The following LGALS8 variants were observed in gnomAD, a reference collection of about 807,000 sequenced individuals.
LGALS8 encodes the protein galectin-8.
LGALS8 carries 30 observed loss-of-function variants against 35.9 expected under a neutral mutation model. That is an observed-to-expected ratio of 0.83 (90% CI 0.62 to 1.13). LGALS8 has a LOEUF of 1.13. LGALS8 is among the 50% of genes most tolerant of loss of function. The pLI is 0.00. For missense variants in LGALS8, 366 were observed against 388.7 expected, an observed-to-expected ratio of 0.94 and a Z score of 0.49; for synonymous variants, 138 against 136.1, an observed-to-expected ratio of 1.01 and a Z score of -0.10.
chr1:236,537,402 G>A (rs1461761135), intron 2 of LGALS8, 95 bp from the exon 3 acceptor site: 10 of 761,892 alleles, frequency 1.3e-5, no homozygotes, highest in African/African-American at 8.6e-5. Flanking sequence ...CTTAAAAAGT[G>A]TAGTTTTTCT....
upstream of LGALS8, among the ~76,000 whole-genome samples, chr1:236,522,415 G>A (rs998304385): frequency 3.9e-5 from 6 of 152,040 alleles, no homozygotes; most frequent in African/African-American, 1.4e-4. Context: ...ACCAGCCTGG[G>A]CAACACAGTG....
intron 9 of LGALS8, 199 bp downstream of exon 9, chr1:236,545,114 A>G: frequency 2.3e-6 from 1 of 435,716 alleles, no homozygotes; most frequent in Non-Finnish European, 4.1e-6. Flanking sequence ...GTGTCAAATT[A>G]TGCACATTGG....
At chr1:236,543,689 G>A (rs764954703) in intron 8 of LGALS8, 41 bp downstream of exon 8, 17 of 1,438,148 alleles carry the variant, frequency 1.2e-5, no homozygotes, top group African/African-American at 8.4e-5. Context: ...AGATACTTCC[G>A]TGCCTGTTAC....
intron 2 of LGALS8, among the ~76,000 whole-genome samples, chr1:236,530,841 G>C (rs1159146610): frequency 1.3e-5 from 2 of 152,138 alleles, no homozygotes; most frequent in Admixed American, 1.3e-4. Context: ...AATTCAAACA[G>C]TATTTAAGAG....
In LGALS8 at chr1:236,550,770, G is replaced by A; in HGVS notation, c.*2609G>A. ...CCAGGTGGGGATTTTGTAAAGAAGT[G>A]ATAAAACATTTGTAAGTAATCCAAG... On this transcript the variant is annotated 3_prime_UTR_variant, in exon 10 of 10. Transcript: ENST00000366584. 1 of 670,604 alleles carries A rather than the reference G, an allele frequency of 1.5e-6. No individual in the cohort carries two copies. The highest frequency in any genetic ancestry group is 2.1e-5 in the South Asian group (1 of 47,184). The allele number at this position is 670,604 out of a possible 1,614,324, so 41.5% of individuals were successfully genotyped here. A position where few individuals can be genotyped will look rare whatever the true frequency, so the allele number is the denominator to read the frequency against.
chr1:236,547,880 G>T, intron 9 of LGALS8, 132 bp from the exon 10 acceptor site: 1 of 741,366 alleles, frequency 1.3e-6, no homozygotes, highest in Non-Finnish European at 2.3e-6. Flanking sequence ...GAAGTCAGAA[G>T]GAAGTCAGCA....
Position 236,548,219 on chromosome 1 carries a change from C to G in LGALS8, c.*58C>G, listed in dbSNP as rs1662531588. On this transcript the variant is annotated 3_prime_UTR_variant, in exon 10 of 10. Coordinates refer to ENST00000366584, the MANE Select transcript of LGALS8 (RefSeq NM_201544.4). Reference sequence around the variant, plus strand: ...ACAGAATGGCTTCTGTGATACTGGCCTTGCTGAAACGCATCTCACTGTCAT... The same window carrying G: ...ACAGAATGGCTTCTGTGATACTGGCGTTGCTGAAACGCATCTCACTGTCAT... The G allele has an allele frequency of 2.1e-6, 3 of 1,440,486 alleles. No homozygotes were observed. The highest frequency in any genetic ancestry group is 2.9e-6 in the Non-Finnish European group (3 of 1,042,956). The allele number at this position is 1,440,486 out of a possible 1,614,324, so 89.2% of individuals were successfully genotyped here.
At chr1:236,546,275 A>G (rs1031101369) in intron 9 of LGALS8, among the ~76,000 whole-genome samples, 9 of 152,194 alleles carry the variant, frequency 5.9e-5, no homozygotes, top group Admixed American at 2.0e-4. Flanking sequence ...TTTTCCATTT[A>G]ATTTTCTAAT....
At chr1:236,527,264 C>T (rs535900870) in intron 2 of LGALS8, among the ~76,000 whole-genome samples, 12 of 152,242 alleles carry the variant, frequency 7.9e-5, no homozygotes, top group East Asian at 7.7e-4. Context: ...AGGTAAAATT[C>T]GTGCATATCT....
rs371245157 is a variant in LGALS8, at chr1:236,538,101, A to AAAAAAAAAAG, written c.134+519_134+520insAAAAAAGAAA. 2.3e-3 allele frequency among the ~76,000 whole-genome samples: 225 copies of AAAAAAAAAAG among 96,048 alleles called. 28 individuals are homozygous for AAAAAAAAAAG. The highest frequency in any genetic ancestry group is 3.5e-3 in the East Asian group (12 of 3,406). 63.0% of individuals were successfully genotyped at this position (96,048 alleles called of 152,430 possible). A position where few individuals can be genotyped will look rare whatever the true frequency, so the allele number is the denominator to read the frequency against. On this transcript the variant is annotated intron_variant, in intron 3 of 9. Transcript: ENST00000366584. ...GCCTGGGTGACAAAAAAAAAAAAGA[A>AAAAAAAAAAG]AAAGAAAAAGAATTAGGTATGTCAT...
Position 236,550,879 on chromosome 1 carries a change from A to G in LGALS8, c.*2718A>G. The G allele has an allele frequency of 6.5e-7, 1 of 1,538,710 alleles. No homozygotes were observed. The highest frequency in any genetic ancestry group is 1.7e-4 in the Middle Eastern group (1 of 5,756). On this transcript the variant is annotated 3_prime_UTR_variant, in exon 10 of 10. Coordinates refer to ENST00000366584, the MANE Select transcript of LGALS8 (RefSeq NM_201544.4). ...AAATATGAGTGTGAACTCTGAGTAG[A>G]GTATGAAACACCACAGAAAGTCTTA...
chr1:236,538,970 A>G lies in LGALS8; in HGVS notation c.226A>G (p.Ile76Val), dbSNP rs751002127. 2.4e-5 allele frequency: 38 copies of G among 1,614,042 alleles called. No individual in the cohort carries two copies. The highest frequency in any genetic ancestry group is 2.8e-5 in the Non-Finnish European group (33 of 1,180,040). The part of the protein sequence containing the change: ...FNPRFKRAGC[I>V]VCNTLINEKW... ...TCCTCGTTTCAAAAGGGCCGGCTGC[A>G]TTGTTTGCAATACTTTGATAAATGA... The change falls in exon 4 of 10, where the codon ATT (isoleucine) becomes GTT (valine). Residue 76 changes from isoleucine to valine, a missense_variant. By Grantham distance (29) the Ile-to-Val change is conservative (BLOSUM62 3). Coordinates refer to ENST00000366584, the MANE Select transcript of LGALS8 (RefSeq NM_201544.4).
intron 2 of LGALS8, among the ~76,000 whole-genome samples, chr1:236,528,867 A>G (rs1660981177): frequency 1.3e-5 from 2 of 152,166 alleles, no homozygotes; most frequent in Non-Finnish European, 1.5e-5. Flanking sequence ...AACTGTCCAC[A>G]TTAAGTTTTC....
In LGALS8 at chr1:236,539,010, A is replaced by G; in HGVS notation, c.266A>G (p.Glu89Gly). Reference sequence around the variant, plus strand: ...TTGATAAATGAAAAATGGGGACGGGAAGAGATCACCTATGACACGCCTTTC... The same window carrying G: ...TTGATAAATGAAAAATGGGGACGGGGAGAGATCACCTATGACACGCCTTTC... ...NTLINEKWGR[E>G]EITYDTPFKR... is the part of the protein sequence containing the mutation. The change falls in exon 4 of 10, where the codon GAA (glutamate) becomes GGA (glycine). Residue 89 changes from glutamate to glycine, a missense_variant. Physicochemically the swap from Glu to Gly is moderately conservative, Grantham distance 98. Transcript: ENST00000366584. 1.2e-6 allele frequency: 2 copies of G among 1,614,184 alleles called. No homozygotes were observed. Among genetic ancestry groups the G allele is most frequent in the Non-Finnish European group, 1.7e-6 (2 of 1,180,022 alleles).
At chr1:236,519,418 G>C (rs1660492246), upstream of LGALS8, among the ~76,000 whole-genome samples, 1 of 151,866 alleles carries the variant, frequency 6.6e-6, no homozygotes, top group Non-Finnish European at 1.5e-5. Flanking sequence ...ATTTCTAAAT[G>C]TGTGGCTATA....
chr1:236,546,479 T>G (rs1662370426), intron 9 of LGALS8, among the ~76,000 whole-genome samples: 1 of 151,856 alleles, frequency 6.6e-6, no homozygotes, highest in Admixed American at 6.6e-5. Context: ...ATCTACAGTT[T>G]TTTAAAAACA....
At chr1:236,543,697 T>C (rs1341984564) in intron 8 of LGALS8, 49 bp downstream of exon 8, 1 of 1,322,788 alleles carries the variant, frequency 7.6e-7, no homozygotes, top group Admixed American at 1.7e-5. Context: ...CCGTGCCTGT[T>C]ACCGCCTTCC....
chr1:236,519,302 G>T (rs542366106), upstream of LGALS8, among the ~76,000 whole-genome samples: 1 of 151,036 alleles, frequency 6.6e-6, no homozygotes, highest in South Asian at 2.1e-4. Context: ...GAGGTGGGAG[G>T]ATCACTTGAG....
At chr1:236,541,615 A>C in intron 5 of LGALS8, 39 bp from the exon 6 acceptor site, 2 of 960,958 alleles carry the variant, frequency 2.1e-6, no homozygotes, top group South Asian at 1.6e-5. Context: ...AATATTTTCT[A>C]CTGGATGTTA....
Sources: gnomAD v4.1 joint callset for allele counts (sites outside exome capture counted in the v4.1 genomes callset) on GRCh38, gnomAD v4.1.1 for gene constraint, MANE v1.5 for transcripts, NCBI Gene and HGNC (gene_info 2026-07-23, HGNC 2026-07-21) for gene names.